TATDN3: variants seen among roughly 807,000 people sequenced by gnomAD.
TATDN3 encodes the protein deoxyribonuclease TATDN3.
In TATDN3, 29 loss-of-function variants were observed where a neutral mutation model predicts 40.1. The ratio of observed to expected loss-of-function variants is 0.72; its 90% CI spans 0.54 to 0.99. TATDN3 has a LOEUF of 0.99. Ranked by LOEUF, TATDN3 falls within the 50% of genes least tolerant of loss-of-function variation. The pLI is 0.00. For synonymous variants in TATDN3, 105 were observed against 117.0 expected (o/e 0.90, Z 0.66); for missense variants, 309 against 321.9 (o/e 0.96, Z 0.31).
At chr1:212,792,545 G>A (rs905140012) in intron 1 of TATDN3, among the ~76,000 whole-genome samples, 29 of 147,662 alleles carry the variant, frequency 2.0e-4, no homozygotes, top group Admixed American at 1.1e-3. Flanking sequence ...TGAGGTGGGA[G>A]AATCGCTGGA....
At chr1:212,808,058 A>G (rs1200484076) in intron 8 of TATDN3, among the ~76,000 whole-genome samples, 5 of 152,196 alleles carry the variant, frequency 3.3e-5, no homozygotes, top group Admixed American at 6.5e-5. Context: ...CACGCTTGTA[A>G]TCCCAGCACT....
chr1:212,809,570 C>A (rs1054044296), intron 8 of TATDN3, among the ~76,000 whole-genome samples: 2 of 151,836 alleles, frequency 1.3e-5, no homozygotes, highest in Admixed American at 1.3e-4. Context: ...TGTAGTCCCA[C>A]CTACTCGGGA....
At position 212,800,944 on chromosome 1, in the gene TATDN3, C is replaced by T. The variant is rs559679039; in HGVS notation, c.259-1757C>T. On this transcript the variant is annotated intron_variant, in intron 4 of 9. Coordinates refer to ENST00000366974, the MANE Select transcript of TATDN3 (RefSeq NM_001042552.3). ...ATAGGGTGGGGTGCCATGGCTGACT[C>T]CTGTAATCCCATCACTTTGGGAGGC... 1.0e-4 allele frequency among the ~76,000 whole-genome samples: 15 copies of T among 150,144 alleles called. No homozygotes were observed. In the Admixed American group the frequency reaches 1.0e-3, roughly 10 times the overall value.
At chr1:212,811,466 G>A (rs1244665277) in intron 8 of TATDN3, among the ~76,000 whole-genome samples, 1 of 151,526 alleles carries the variant, frequency 6.6e-6, no homozygotes, top group Non-Finnish European at 1.5e-5. Flanking sequence ...GTTTTATCAT[G>A]TTGCCCAGGC....
intron 1 of TATDN3, among the ~76,000 whole-genome samples, chr1:212,793,725 G>A (rs1335915942): frequency 1.3e-5 from 2 of 152,138 alleles, no homozygotes; most frequent in Non-Finnish European, 2.9e-5. Flanking sequence ...AATTGGATGT[G>A]GATAGCAAGG....
At chr1:212,811,368 A>G (rs779015606) in intron 8 of TATDN3, among the ~76,000 whole-genome samples, 1 of 151,860 alleles carries the variant, frequency 6.6e-6, no homozygotes, top group Non-Finnish European at 1.5e-5. Context: ...TCCAATCTCA[A>G]GTGATCAGCC....
chr1:212,794,747 TGA>T, intron 1 of TATDN3: 1 of 481,144 alleles, frequency 2.1e-6, no homozygotes, highest in Non-Finnish European at 4.1e-6. Flanking sequence ...TAGCCACCAA[TGA>T]GAGAGTGGTA....
chr1:212,808,131 G>A (rs1430598826), intron 8 of TATDN3, among the ~76,000 whole-genome samples: 1 of 151,950 alleles, frequency 6.6e-6, no homozygotes, highest in Non-Finnish European at 1.5e-5. Context: ...TGGCCAACAT[G>A]GTGAAACCCC....
At position 212,796,513 on chromosome 1, in the gene TATDN3, T is replaced by TA; in HGVS notation, c.100-4_100-3insA. 2.0e-6 allele frequency: 3 copies of TA among 1,524,166 alleles called. No individual in the cohort carries two copies. Among genetic ancestry groups the TA allele is most frequent in the Non-Finnish European group, 1.7e-6 (2 of 1,144,682 alleles). 94.4% of individuals were successfully genotyped at this position (1,524,166 alleles called of 1,614,324 possible). A position where few individuals can be genotyped will look rare whatever the true frequency, so the allele number is the denominator to read the frequency against. On this transcript the variant is annotated splice_region_variant and splice_polypyrimidine_tract_variant and intron_variant, in intron 2 of 9. Coordinates refer to ENST00000366974, the MANE Select transcript of TATDN3 (RefSeq NM_001042552.3). Reference sequence around the variant, plus strand: ...TGTAACTTTATTCTTTTTTTTTTTTTCAGGCCAATGTTGTGGCCCTTGTGG... The same window carrying TA: ...TGTAACTTTATTCTTTTTTTTTTTTTACAGGCCAATGTTGTGGCCCTTGTGG...
At chr1:212,809,736 A>G (rs1354165674) in intron 8 of TATDN3, among the ~76,000 whole-genome samples, 1 of 151,578 alleles carries the variant, frequency 6.6e-6, no homozygotes, top group Non-Finnish European at 1.5e-5. Flanking sequence ...TCTAAAATTT[A>G]AATTGGGCTA....
intron 9 of TATDN3, among the ~76,000 whole-genome samples, chr1:212,812,732 G>A (rs915963439): frequency 2.0e-5 from 3 of 152,296 alleles, no homozygotes; most frequent in Admixed American, 2.0e-4. Context: ...GCTGGGCACG[G>A]TGGCTCACAC....
chr1:212,809,157 G>A (rs1037390253), intron 8 of TATDN3, among the ~76,000 whole-genome samples: 1 of 152,184 alleles, frequency 6.6e-6, no homozygotes, highest in Non-Finnish European at 1.5e-5. Flanking sequence ...CATGTGAAAT[G>A]TCCAGGTGAG....
chr1:212,806,793 C>T (rs1457696127), intron 7 of TATDN3, among the ~76,000 whole-genome samples: 18 of 106,458 alleles, frequency 1.7e-4, no homozygotes, highest in South Asian at 3.1e-4. Flanking sequence ...TACACACACA[C>T]ACACACATAT....
At chr1:212,806,837 C>CATATATACACATATATACATAT (rs71147031) in intron 7 of TATDN3, among the ~76,000 whole-genome samples, 4 of 51,370 alleles carry the variant, frequency 7.8e-5, no homozygotes, top group African/African-American at 1.4e-4. Flanking sequence ...CATATATATA[C>CATATATACACATATATACATAT]ATATATACAC....
chr1:212,794,921 T>C, intron 1 of TATDN3, 174 bp from the exon 2 acceptor site: 2 of 654,808 alleles, frequency 3.1e-6, no homozygotes, highest in Non-Finnish European at 5.6e-6. Context: ...AGCCAGACTT[T>C]ACTGATAGTA....
intron 4 of TATDN3, among the ~76,000 whole-genome samples, chr1:212,800,040 G>T (rs991842616): frequency 6.6e-6 from 1 of 152,102 alleles, no homozygotes; most frequent in Non-Finnish European, 1.5e-5. Flanking sequence ...ACCTTTACAG[G>T]CTTCTAAAAT....
rs1005458827 is a variant in TATDN3 at position 212,816,145 on chromosome 1, T to A, written c.*989T>A. On this transcript the variant is annotated 3_prime_UTR_variant, in exon 10 of 10. Transcript: ENST00000366974. ...TGGCATTATTAAAAATGTATCTGAT[T>A]TCTCTGTGAACAGTAATATTTCATA... The A allele has an allele frequency of 3.3e-5, 5 of 152,162 alleles. No homozygotes were observed. Among genetic ancestry groups the A allele is most frequent in the African/African-American group, 1.2e-4 (5 of 41,432 alleles). The allele number at this position is 152,162 out of a possible 1,614,324, so 9.4% of individuals were successfully genotyped here.
chr1:212,808,907 C>T (rs776043261), intron 8 of TATDN3, among the ~76,000 whole-genome samples: 13 of 152,130 alleles, frequency 8.5e-5, no homozygotes, highest in Non-Finnish European at 1.3e-4. Flanking sequence ...ATGTTTATAG[C>T]AGCATTATTC....
intron 4 of TATDN3, 91 bp from the exon 5 acceptor site, chr1:212,802,610 C>A (rs1662235904): frequency 2.4e-6 from 2 of 845,558 alleles, no homozygotes; most frequent in Non-Finnish European, 4.0e-6. Context: ...ATGTAAAGCA[C>A]CAGGATGGCA....
Sources: allele counts gnomAD v4.1 joint callset (sites outside exome capture counted in the v4.1 genomes callset), GRCh38; gene constraint gnomAD v4.1.1; transcripts MANE v1.5; gene names NCBI Gene and HGNC (gene_info 2026-07-23, HGNC 2026-07-21).